PCSK6: variants seen among roughly 807,000 people sequenced by gnomAD.
PCSK6 encodes paired basic amino acid cleaving enzyme 4.
In PCSK6, 85 loss-of-function variants were observed where a neutral mutation model predicts 123.3. The ratio of observed to expected loss-of-function variants is 0.69; its 90% CI spans 0.58 to 0.83. PCSK6 has a LOEUF of 0.83. Ranked by LOEUF, PCSK6 falls within the 40% of genes least tolerant of loss-of-function variation. PCSK6 has a pLI of 0.00. For synonymous variants in PCSK6, 508 were observed against 516.0 expected, an observed-to-expected ratio of 0.98 and a Z score of 0.21; for missense variants, 1,191 against 1,282.3, an observed-to-expected ratio of 0.93 and a Z score of 1.09.
chr15:101,314,183 A>G (rs2039935023), intron 19 of PCSK6, among the ~76,000 whole-genome samples: 1 of 152,230 alleles, frequency 6.6e-6, no homozygotes, highest in African/African-American at 2.4e-5. Flanking sequence ...TAGGGCAGGG[A>G]GGAGAGACTC....
chr15:101,480,880 G>A (rs2057861290), intron 1 of PCSK6, among the ~76,000 whole-genome samples: 1 of 151,776 alleles, frequency 6.6e-6, no homozygotes, highest in South Asian at 2.1e-4. Context: ...GGATGAGAAA[G>A]CGATGGTGGG....
chr15:101,317,764 T>A (rs894412792), intron 19 of PCSK6, among the ~76,000 whole-genome samples: 1 of 152,242 alleles, frequency 6.6e-6, no homozygotes, highest in African/African-American at 2.4e-5. Context: ...GGGTTTCTAA[T>A]GAGAACCTCA....
intron 7 of PCSK6, among the ~76,000 whole-genome samples, chr15:101,397,535 G>T (rs1482523352): frequency 6.6e-6 from 1 of 151,888 alleles, no homozygotes; most frequent in Non-Finnish European, 1.5e-5. Flanking sequence ...AGAGAAGCCT[G>T]GACTTCCTGC....
At position 101,394,281 on chromosome 15, in the gene PCSK6, C is replaced by T. The variant is rs183930126; in HGVS notation, c.997-857G>A. Among the ~76,000 whole-genome samples, 297 of 151,976 alleles carry T rather than the reference C, an allele frequency of 2.0e-3. 3 individuals carry two copies. The highest frequency in any genetic ancestry group is 5.8e-3 in the African/African-American group (241 of 41,430). Reference sequence around the variant, plus strand: ...TGTGCCGCCATGCCCAGCTGTGCACCGGTGTTCATTGTTAAGAACGTACAC... The same window carrying T: ...TGTGCCGCCATGCCCAGCTGTGCACTGGTGTTCATTGTTAAGAACGTACAC... On this transcript the variant is annotated intron_variant, in intron 7 of 21. Transcript: ENST00000611716.
At chr15:101,471,114 C>T (rs547011553) in intron 1 of PCSK6, among the ~76,000 whole-genome samples, 27 of 152,228 alleles carry the variant, frequency 1.8e-4, no homozygotes, top group African/African-American at 6.3e-4. Context: ...TGAAACTCTG[C>T]CTGGGGAAAG....
intron 2 of PCSK6, among the ~76,000 whole-genome samples, chr15:101,438,516 C>T (rs2056665875): frequency 6.6e-6 from 1 of 152,184 alleles, no homozygotes; most frequent in Non-Finnish European, 1.5e-5. Context: ...CCTTGACCCT[C>T]GATAACCTCC....
intron 6 of PCSK6, among the ~76,000 whole-genome samples, chr15:101,407,954 G>A (rs1416544949): frequency 1.3e-5 from 2 of 152,208 alleles, no homozygotes; most frequent in Admixed American, 6.5e-5. Flanking sequence ...ACAAAACCTG[G>A]AAAAGCCTTA....
intron 11 of PCSK6, among the ~76,000 whole-genome samples, chr15:101,381,066 T>A (rs533640048): frequency 2.1e-4 from 32 of 151,988 alleles, no homozygotes; most frequent in African/African-American, 4.8e-4. Flanking sequence ...TTTTTTTTTT[T>A]AAATAAAAAT....
At chr15:101,417,352 A>T (rs2055923918) in intron 6 of PCSK6, among the ~76,000 whole-genome samples, 1 of 152,220 alleles carries the variant, frequency 6.6e-6, no homozygotes, top group African/African-American at 2.4e-5. Flanking sequence ...GCAAACACCC[A>T]TTGGCATATT....
At chr15:101,408,914 C>T (rs2141612125) in intron 6 of PCSK6, among the ~76,000 whole-genome samples, 1 of 152,342 alleles carries the variant, frequency 6.6e-6, no homozygotes, top group Middle Eastern at 3.4e-3. Context: ...TGATTCAGTT[C>T]CCCAATCAAA....
At chr15:101,405,588 C>T (rs556395056) in intron 6 of PCSK6, among the ~76,000 whole-genome samples, 16 of 152,056 alleles carry the variant, frequency 1.1e-4, no homozygotes, top group South Asian at 4.1e-4. Flanking sequence ...TTAAATAATA[C>T]GTGCATTCCT....
At chr15:101,377,820 G>A (rs2041795519) in intron 11 of PCSK6, among the ~76,000 whole-genome samples, 2 of 152,284 alleles carry the variant, frequency 1.3e-5, no homozygotes, top group South Asian at 4.1e-4. Flanking sequence ...TGTCTTGTGT[G>A]GGTTGTGGGT....
At chr15:101,387,348 C>T (rs1320827752) in intron 9 of PCSK6, among the ~76,000 whole-genome samples, 1 of 152,166 alleles carries the variant, frequency 6.6e-6, no homozygotes, top group Non-Finnish European at 1.5e-5. Flanking sequence ...TGCAACCTGG[C>T]AAGTTACTGC....
At position 101,380,930 on chromosome 15, in the gene PCSK6, A is replaced by G. The variant is rs2041895291; in HGVS notation, c.1532+1162T>C. ...ATGGGAAAAACACACTCCGTTCTGT[A>G]TCAGATACAAGGCCCAGAGAAACAC... On this transcript the variant is annotated intron_variant, in intron 11 of 21. Transcript: ENST00000611716. Among the ~76,000 whole-genome samples the G allele has an allele frequency of 2.6e-5, 4 of 152,232 alleles. No homozygotes were observed. The South Asian group carries it at 8.3e-4, about 31-fold the overall frequency.
intron 6 of PCSK6, among the ~76,000 whole-genome samples, chr15:101,424,401 G>A (rs1209987812): frequency 3.3e-5 from 5 of 152,096 alleles, no homozygotes; most frequent in East Asian, 1.9e-4. Context: ...TTAGAAGGTC[G>A]TGTTCAGCAT....
chr15:101,306,754 G>T (rs1331041130), intron 21 of PCSK6, among the ~76,000 whole-genome samples: 4 of 152,210 alleles, frequency 2.6e-5, no homozygotes, highest in African/African-American at 7.2e-5. Flanking sequence ...GTCCATGCTG[G>T]ATCCCTGCAG....
intron 7 of PCSK6, among the ~76,000 whole-genome samples, chr15:101,395,440 T>C (rs1188161549): frequency 6.6e-6 from 1 of 152,216 alleles, no homozygotes; most frequent in Non-Finnish European, 1.5e-5. Flanking sequence ...GCATGTAGCA[T>C]GCATTTACTA....
chr15:101,487,529 T>C (rs145958755), intron 1 of PCSK6, among the ~76,000 whole-genome samples: 1 of 152,310 alleles, frequency 6.6e-6, no homozygotes, highest in Non-Finnish European at 1.5e-5. Flanking sequence ...AGATAGAAAT[T>C]TCCGGGGAGA....
chr15:101,460,284 C>G (rs1464019403), intron 1 of PCSK6, among the ~76,000 whole-genome samples: 1 of 152,208 alleles, frequency 6.6e-6, no homozygotes, highest in Non-Finnish European at 1.5e-5. Context: ...CCTGCCCCAG[C>G]CTTTTCCTGC....
Sources: gnomAD v4.1 joint callset for allele counts (sites outside exome capture counted in the v4.1 genomes callset) on GRCh38, gnomAD v4.1.1 for gene constraint, MANE v1.5 for transcripts, NCBI Gene and HGNC (gene_info 2026-07-23, HGNC 2026-07-21) for gene names.